Variants in NDC1 observed in about 807,000 individuals in gnomAD.
NDC1 encodes the protein NDC1 transmembrane nucleoporin, also known as nucleoporin NDC1.
Under a neutral mutation model 89.8 loss-of-function variants are expected in NDC1, and 24 were observed. That is an observed-to-expected ratio of 0.27 (90% confidence interval 0.19 to 0.38). The LOEUF (loss-of-function observed/expected upper bound fraction) is 0.38, where lower values mean the gene tolerates loss of function less well. NDC1 is among the 10% of genes least tolerant of loss of function. The pLI, the probability that NDC1 is intolerant of heterozygous loss-of-function variation, is 1.00. For synonymous variants in NDC1, 296 were observed against 284.8 expected (o/e 1.04, Z -0.39); for missense variants, 728 against 797.6 (o/e 0.91, Z 1.05).
intron 1 of NDC1, among the ~76,000 whole-genome samples, chr1:53,836,060 A>T (rs1649222278): frequency 6.6e-6 from 1 of 152,242 alleles, no homozygotes; most frequent in Admixed American, 6.5e-5. Context: ...AATTGCCCGT[A>T]TCTATCATAT....
rs961274812 is a variant in NDC1, at chr1:53,825,993, T to C, written c.456-57A>G. 82 of 1,548,022 alleles carry C rather than the reference T, an allele frequency of 5.3e-5. No individual in the cohort carries two copies. In the African/African-American group the frequency reaches 9.5e-4, roughly 18 times the overall value. ...CAGTCAGGGACATGTATCACTGTTT[T>C]AGGCTCAATGTTTACTGAAGGCAAA... On this transcript the variant is annotated intron_variant, in intron 4 of 17. Coordinates refer to ENST00000371429, the MANE Select transcript of NDC1 (RefSeq NM_018087.5).
At chr1:53,807,962 A>G (rs1004541436) in intron 7 of NDC1, among the ~76,000 whole-genome samples, 171 bp from the exon 8 acceptor site, 4 of 152,230 alleles carry the variant, frequency 2.6e-5, no homozygotes, top group Non-Finnish European at 4.4e-5. Context: ...CTTATGAGGT[A>G]CATGAGGGAG....
At chr1:53,776,210 G>A (rs1647161576) in intron 16 of NDC1, among the ~76,000 whole-genome samples, 3 of 152,020 alleles carry the variant, frequency 2.0e-5, no homozygotes, top group Middle Eastern at 3.2e-3. Flanking sequence ...GCCTTCCCCG[G>A]TTTCCCAAAG....
chr1:53,787,843 C>A lies in NDC1; in HGVS notation c.1700-585G>T, dbSNP rs114543960. Among the ~76,000 whole-genome samples the A allele has an allele frequency of 6.0e-3, 820 of 136,464 alleles. 8 individuals carry two copies. Among genetic ancestry groups the A allele is most frequent in the African/African-American group, 0.021 (767 of 35,920 alleles). The allele number at this position is 136,464 out of a possible 152,430, so 89.5% of individuals were successfully genotyped here. On this transcript the variant is annotated intron_variant, in intron 15 of 17. Coordinates refer to ENST00000371429, the MANE Select transcript of NDC1 (RefSeq NM_018087.5). ...AAATTTTAAAAATAATATAGTGTTG[C>A]GTAATAATATGTGCCAGGAAATTAA...
At chr1:53,791,478 G>A (rs1359645335) in intron 14 of NDC1, among the ~76,000 whole-genome samples, 1 of 151,350 alleles carries the variant, frequency 6.6e-6, no homozygotes, top group East Asian at 1.9e-4. Context: ...TTCTATCCAT[G>A]TTGCTGTAAA....
chr1:53,776,545 G>C (rs530969670), intron 16 of NDC1, among the ~76,000 whole-genome samples: 4 of 152,064 alleles, frequency 2.6e-5, no homozygotes, highest in Non-Finnish European at 4.4e-5. Context: ...CCTGTATTTT[G>C]TTAATGTATC....
At position 53,771,914 on chromosome 1, in the gene NDC1, G is replaced by T. The variant is rs72662304; in HGVS notation, c.1961+415C>A. On this transcript the variant is annotated intron_variant, in intron 17 of 17. Coordinates refer to ENST00000371429, the MANE Select transcript of NDC1 (RefSeq NM_018087.5). ...GTGTTTTTCCAGCATGAATCACAAA[G>T]CACCAGGGATTCATTTCTGGAATAC... Among the ~76,000 whole-genome samples, 1,004 of 152,252 alleles carry T rather than the reference G, an allele frequency of 6.6e-3. 5 individuals carry two copies. Among genetic ancestry groups the T allele is most frequent in the Non-Finnish European group, 0.011 (759 of 68,008 alleles).
At chr1:53,791,060 GTC>G (rs1465673014) in intron 14 of NDC1, among the ~76,000 whole-genome samples, 2 of 151,944 alleles carry the variant, frequency 1.3e-5, no homozygotes, top group Non-Finnish European at 2.9e-5. Flanking sequence ...ATCCTTCCCA[GTC>G]TCTGTTATCT....
At chr1:53,790,701 C>T (rs57598233) in intron 14 of NDC1, among the ~76,000 whole-genome samples, 7,667 of 152,126 alleles carry the variant, frequency 0.05, 556 homozygotes, top group African/African-American at 0.16. Flanking sequence ...AGCAAGACTT[C>T]GTCTCAAATA....
intron 17 of NDC1, 139 bp downstream of exon 17, chr1:53,772,190 C>T: frequency 2.8e-6 from 2 of 720,600 alleles, no homozygotes; most frequent in African/African-American, 1.8e-5. Context: ...AGTCCACATC[C>T]AAGCTGTAAG....
intron 5 of NDC1, among the ~76,000 whole-genome samples, chr1:53,825,461 A>G (rs1179559882): frequency 1.8e-4 from 26 of 143,272 alleles, no homozygotes; most frequent in Admixed American, 1.8e-3. Context: ...TCCAAAAAAA[A>G]AGAAGCTACA....
At chr1:53,804,122 G>A (rs1570199161) in intron 9 of NDC1, 113 bp from the exon 10 acceptor site, 9 of 709,318 alleles carry the variant, frequency 1.3e-5, no homozygotes, top group South Asian at 2.1e-5. Context: ...ACTTTTTCAT[G>A]AAAAAAAAAA....
intron 6 of NDC1, 29 bp downstream of exon 6, chr1:53,818,942 T>C: frequency 1.0e-6 from 1 of 990,752 alleles, no homozygotes; most frequent in Non-Finnish European, 1.6e-6. Flanking sequence ...AGATAATATA[T>C]CACTGTATCA....
rs553745677 is a variant in NDC1 at position 53,814,698 on chromosome 1, A to G, written c.703+4273T>C. ...TTGAAAAGATAAGTAAAACTGATAGACCATTAGCAAGATTAACCAAAAAAA... is the reference window on the plus strand; with the variant it reads ...TTGAAAAGATAAGTAAAACTGATAGGCCATTAGCAAGATTAACCAAAAAAA... On this transcript the variant is annotated intron_variant, in intron 6 of 17. Transcript: ENST00000371429. Among the ~76,000 whole-genome samples the G allele has an allele frequency of 4.6e-5, 7 of 152,332 alleles. No individual in the cohort carries two copies. In the East Asian group the frequency reaches 5.8e-4, roughly 13 times the overall value.
chr1:53,784,558 C>T (rs1647259715), intron 16 of NDC1, among the ~76,000 whole-genome samples: 2 of 152,114 alleles, frequency 1.3e-5, no homozygotes, highest in African/African-American at 4.8e-5. Context: ...TTTGGGAGGC[C>T]GAGGTAGGTG....
chr1:53,775,556 G>A (rs917663350), intron 16 of NDC1, among the ~76,000 whole-genome samples: 3 of 152,124 alleles, frequency 2.0e-5, no homozygotes, highest in African/African-American at 7.2e-5. Context: ...ACCGCACCTG[G>A]CTGCAAAACA....
At chr1:53,835,347 G>C (rs1031201845) in intron 2 of NDC1, among the ~76,000 whole-genome samples, 153 bp downstream of exon 2, 1 of 152,158 alleles carries the variant, frequency 6.6e-6, no homozygotes, top group Non-Finnish European at 1.5e-5. Context: ...TTTATGTTAC[G>C]AAGGAGACAT....
At chr1:53,800,356 T>TTTTTTA (rs869120499) in intron 11 of NDC1, among the ~76,000 whole-genome samples, 1 of 145,994 alleles carries the variant, frequency 6.8e-6, no homozygotes, top group African/African-American at 2.6e-5. Context: ...TTTTTTTTTT[T>TTTTTTA]GAGACAGTCT....
intron 6 of NDC1, among the ~76,000 whole-genome samples, chr1:53,811,352 G>C (rs778723300): frequency 1.3e-5 from 2 of 152,202 alleles, no homozygotes; most frequent in Non-Finnish European, 2.9e-5. Context: ...TTCTCTCCCA[G>C]CTGGGAGGCG....
Sources: gnomAD v4.1 joint callset for allele counts (sites outside exome capture counted in the v4.1 genomes callset) on GRCh38, gnomAD v4.1.1 for gene constraint, MANE v1.5 for transcripts, NCBI Gene and HGNC (gene_info 2026-07-23, HGNC 2026-07-21) for gene names.